The following BBS9 variants were observed in gnomAD, a reference collection of about 807,000 sequenced individuals.
The protein encoded by BBS9 is Bardet-Biedl syndrome 9.
In BBS9, 89 loss-of-function variants were observed where a neutral mutation model predicts 117.7. The observed-to-expected ratio is 0.76, with a 90% CI of 0.64 to 0.90. The LOEUF (loss-of-function observed/expected upper bound fraction) is 0.90, where lower values mean the gene tolerates loss of function less well. Ranked by LOEUF, BBS9 falls within the 40% of genes least tolerant of loss-of-function variation. The pLI, the probability that BBS9 is intolerant of heterozygous loss-of-function variation, is 0.00. For synonymous variants in BBS9, 379 were observed against 370.9 expected, an observed-to-expected ratio of 1.02 and a Z score of -0.25; for missense variants, 982 against 1,042.2, an observed-to-expected ratio of 0.94 and a Z score of 0.80.
intron 21 of BBS9, among the ~76,000 whole-genome samples, chr7:33,537,137 A>C (rs1168730167): frequency 6.6e-6 from 1 of 152,168 alleles, no homozygotes; most frequent in Non-Finnish European, 1.5e-5. Flanking sequence ...GAAGTGAATA[A>C]GTGTTCAGTA....
At chr7:33,224,526 C>T (rs1790872909) in intron 5 of BBS9, among the ~76,000 whole-genome samples, 1 of 152,120 alleles carries the variant, frequency 6.6e-6, no homozygotes, top group Non-Finnish European at 1.5e-5. Context: ...TTAGTAACAC[C>T]AAATTTTTCT....
intron 21 of BBS9, among the ~76,000 whole-genome samples, chr7:33,593,283 C>T (rs946268603): frequency 6.6e-6 from 1 of 152,108 alleles, no homozygotes; most frequent in African/African-American, 2.4e-5. Flanking sequence ...TTTTCCTCCC[C>T]ACCTTCTCAC....
intron 21 of BBS9, among the ~76,000 whole-genome samples, chr7:33,585,030 AT>A (rs1174500369): frequency 6.6e-6 from 1 of 151,978 alleles, no homozygotes; most frequent in African/African-American, 2.4e-5. Flanking sequence ...TAAAGGCTTT[AT>A]TTTCCACTTT....
At chr7:33,471,810 C>T (rs1399128349) in intron 19 of BBS9, among the ~76,000 whole-genome samples, 1 of 152,302 alleles carries the variant, frequency 6.6e-6, no homozygotes, top group African/African-American at 2.4e-5. Context: ...TGAAAATTTC[C>T]ATTTAAAGTG....
chr7:33,554,387 G>GTTGAC, intron 21 of BBS9, among the ~76,000 whole-genome samples: 1 of 152,272 alleles, frequency 6.6e-6, no homozygotes, highest in East Asian at 1.9e-4. Context: ...AAGAGATGAG[G>GTTGAC]TTGACTGGGG....
chr7:33,503,212 C>T (rs978489772), intron 19 of BBS9, among the ~76,000 whole-genome samples: 5 of 152,206 alleles, frequency 3.3e-5, no homozygotes, highest in Admixed American at 3.3e-4. Context: ...AATTTCAAGG[C>T]AGAGACAGCA....
chr7:33,446,776 G>C (rs28401426), intron 19 of BBS9, among the ~76,000 whole-genome samples: 12,269 of 152,184 alleles, frequency 0.081, 587 homozygotes, highest in African/African-American at 0.13. Context: ...AAAGAAATTG[G>C]GTTGTTTGCT....
chr7:33,614,967 C>A (rs567968995), intron 21 of BBS9, among the ~76,000 whole-genome samples: 1 of 152,008 alleles, frequency 6.6e-6, no homozygotes, highest in South Asian at 2.1e-4. Context: ...ACGGGAAATA[C>A]CTGATGTCAG....
rs190688919 is a variant in BBS9, at chr7:33,431,165, C to T, written c.2115+43021C>T. On this transcript the variant is annotated intron_variant, in intron 19 of 22. Coordinates refer to ENST00000242067, the MANE Select transcript of BBS9 (RefSeq NM_198428.3). Reference sequence around the variant, plus strand: ...AGCCAAGATCATGCCACTGCACATTCCAACCAGCCTGGGAGTGTGGAATAA... The same window carrying T: ...AGCCAAGATCATGCCACTGCACATTTCAACCAGCCTGGGAGTGTGGAATAA... Among the ~76,000 whole-genome samples the T allele has an allele frequency of 4.8e-3, 725 of 151,314 alleles. 8 individuals are homozygous for T. Among genetic ancestry groups the T allele is most frequent in the Middle Eastern group, 0.017 (5 of 294 alleles).
chr7:33,577,930 A>T (rs981090196), intron 21 of BBS9, among the ~76,000 whole-genome samples: 8 of 152,164 alleles, frequency 5.3e-5, no homozygotes, highest in African/African-American at 1.9e-4. Flanking sequence ...GAGGAATAGC[A>T]TTAGGAGAAA....
At chr7:33,205,270 T>C (rs1373484061) in intron 5 of BBS9, among the ~76,000 whole-genome samples, 1 of 152,194 alleles carries the variant, frequency 6.6e-6, no homozygotes, top group Non-Finnish European at 1.5e-5. Context: ...AACCATATTC[T>C]CCAGTGTTTT....
At chr7:33,468,539 A>G (rs539545255) in intron 19 of BBS9, among the ~76,000 whole-genome samples, 7 of 152,286 alleles carry the variant, frequency 4.6e-5, no homozygotes, top group African/African-American at 1.7e-4. Context: ...AACATTTGAA[A>G]TCTTCTAGCT....
At chr7:33,574,272 T>C (rs1318361856) in intron 21 of BBS9, among the ~76,000 whole-genome samples, 2 of 152,170 alleles carry the variant, frequency 1.3e-5, no homozygotes, top group African/African-American at 4.8e-5. Flanking sequence ...ATTTTTTTGC[T>C]CCAATTTTTG....
intron 5 of BBS9, among the ~76,000 whole-genome samples, chr7:33,227,629 C>T (rs188378652): frequency 4.5e-4 from 68 of 152,086 alleles, no homozygotes; most frequent in African/African-American, 1.5e-3. Context: ...CTTCCCCCTA[C>T]CCCCAAAGTC....
At chr7:33,337,315 G>A (rs1815587005) in intron 10 of BBS9, among the ~76,000 whole-genome samples, 1 of 151,798 alleles carries the variant, frequency 6.6e-6, no homozygotes, top group African/African-American at 2.4e-5. Context: ...CCCTTTTCAG[G>A]GTCAGGTAAA....
chr7:33,458,478 A>G (rs1026540907), intron 19 of BBS9, among the ~76,000 whole-genome samples: 3 of 152,162 alleles, frequency 2.0e-5, no homozygotes, highest in African/African-American at 4.8e-5. Flanking sequence ...GGGAGTGTTT[A>G]TATTAACTAT....
Position 33,605,568 on chromosome 7 carries a change from T to C in BBS9, c.*342T>C, listed in dbSNP as rs1864475051. 2 of 320,396 alleles carry C rather than the reference T, an allele frequency of 6.2e-6. No homozygotes were observed. Among genetic ancestry groups the C allele is most frequent in the South Asian group, 8.0e-5 (2 of 25,152 alleles). The allele number at this position is 320,396 out of a possible 1,614,324, so 19.8% of individuals were successfully genotyped here. ...AGATCCAAAATAATTTCATACCCCA[T>C]TTTTTCACAGAATTCTTATATAGTA... On this transcript the variant is annotated 3_prime_UTR_variant, in exon 23 of 23. Coordinates refer to ENST00000242067, the MANE Select transcript of BBS9 (RefSeq NM_198428.3).
intron 9 of BBS9, among the ~76,000 whole-genome samples, chr7:33,280,560 A>C (rs1053773177): frequency 6.6e-6 from 1 of 152,154 alleles, no homozygotes. Flanking sequence ...TATCACATTC[A>C]TAATTATGTT....
chr7:33,286,163 A>G (rs1246225377), intron 9 of BBS9, among the ~76,000 whole-genome samples: 2 of 152,072 alleles, frequency 1.3e-5, no homozygotes, highest in African/African-American at 4.8e-5. Context: ...ACATGTTTCC[A>G]CTGAAAAACT....
Sources: gnomAD v4.1 joint callset for allele counts (sites outside exome capture counted in the v4.1 genomes callset) on GRCh38, gnomAD v4.1.1 for gene constraint, MANE v1.5 for transcripts, NCBI Gene and HGNC (gene_info 2026-07-23, HGNC 2026-07-21) for gene names.